Variants in PRKG1 observed in about 807,000 individuals in gnomAD.
PRKG1 encodes the protein protein kinase cGMP-dependent 1, also known as cGMP-dependent protein kinase 1.
Under a neutral mutation model 88.1 loss-of-function variants are expected in PRKG1, and 35 were observed. The observed-to-expected ratio is 0.40, with a 90% CI of 0.30 to 0.53. The LOEUF is 0.53. Ranked by LOEUF, PRKG1 falls within the 20% of genes least tolerant of loss-of-function variation. PRKG1 has a pLI of 0.59. For synonymous variants in PRKG1, 303 were observed against 292.5 expected (o/e 1.04, Z -0.37); for missense variants, 540 against 839.8 (o/e 0.64, Z 4.41).
At chr10:51,762,354 G>A (rs1838040964) in intron 3 of PRKG1, among the ~76,000 whole-genome samples, 1 of 152,154 alleles carries the variant, frequency 6.6e-6, no homozygotes, top group African/African-American at 2.4e-5. Context: ...TTACCTAGAT[G>A]TAGGTGTTTG....
chr10:51,697,407 G>A, intron 3 of PRKG1: 1 of 378,090 alleles, frequency 2.6e-6, no homozygotes, highest in Non-Finnish European at 4.8e-6. Context: ...ACATACTGTA[G>A]ATGCTTCAAT....
At chr10:51,601,475 A>T (rs1407257010) in intron 3 of PRKG1, among the ~76,000 whole-genome samples, 2 of 152,220 alleles carry the variant, frequency 1.3e-5, no homozygotes, top group Admixed American at 6.5e-5. Context: ...GGAGGAGCAC[A>T]TAAATGCCTG....
chr10:51,628,042 C>T (rs1378757298), intron 3 of PRKG1, among the ~76,000 whole-genome samples: 21 of 136,794 alleles, frequency 1.5e-4, no homozygotes, highest in African/African-American at 5.6e-4. Context: ...TTCTTTCCTT[C>T]CTTCTTTCCT....
intron 9 of PRKG1, among the ~76,000 whole-genome samples, chr10:52,163,025 A>T (rs985554746): frequency 3.9e-5 from 6 of 152,084 alleles, no homozygotes; most frequent in Non-Finnish European, 8.8e-5. Context: ...ATGTACATTG[A>T]TATTCAGTTT....
chr10:51,245,815 A>G (rs1374193916), intron 2 of PRKG1: 1 of 152,102 alleles, frequency 6.6e-6, no homozygotes, highest in Non-Finnish European at 1.5e-5. Context: ...TGGGAAGCAT[A>G]TCATTTTAGT....
Position 52,294,124 on chromosome 10 carries a change from G to T in PRKG1, c.*224G>T, listed in dbSNP as rs1589766830. ...AACCTAAAATAGCAGTTGACATGGT[G>T]GTCCTGAAGCAAAGCCTTTCACCAG... is the stretch of plus-strand genomic sequence containing the variant. On this transcript the variant is annotated 3_prime_UTR_variant, in exon 18 of 18. Transcript: ENST00000373980. 1 of 429,572 alleles carries T rather than the reference G, an allele frequency of 2.3e-6. No homozygotes were observed. Among genetic ancestry groups the T allele is most frequent in the Non-Finnish European group, 4.1e-6 (1 of 244,118 alleles). 26.6% of individuals were successfully genotyped at this position (429,572 alleles called of 1,614,324 possible). A position where few individuals can be genotyped will look rare whatever the true frequency, so the allele number is the denominator to read the frequency against.
intron 5 of PRKG1, among the ~76,000 whole-genome samples, chr10:51,989,642 A>C (rs1302943652): frequency 6.6e-6 from 1 of 152,070 alleles, no homozygotes; most frequent in East Asian, 1.9e-4. Context: ...TCTAGGACCC[A>C]TGAAGGCACT....
rs995915899 is a variant in PRKG1 at position 51,878,938 on chromosome 10, T to C, written c.699-28569T>C. ...AGAACCAGACCTCTGCAAATGGAAC[T>C]GGCATGTCTAATCCCATTATTGCCA... is the stretch of plus-strand genomic sequence containing the variant. On this transcript the variant is annotated intron_variant, in intron 4 of 17. Transcript: ENST00000373980. 5.9e-5 allele frequency among the ~76,000 whole-genome samples: 9 copies of C among 152,194 alleles called. 1 individual carries two copies. Among genetic ancestry groups the C allele is most frequent in the Admixed American group, 5.9e-4 (9 of 15,274 alleles).
intron 1 of PRKG1, among the ~76,000 whole-genome samples, chr10:51,078,590 ATATTTATTTATTTATTTATTTATT>A (rs35676352): frequency 0.019 from 2,577 of 137,284 alleles, 77 homozygotes; most frequent in East Asian, 0.15. Context: ...ATATTTATTT[ATATTTATTTATTTATTTATTTATT>A]TATTTATTTA....
At chr10:51,544,553 T>A (rs1163079371) in intron 3 of PRKG1, among the ~76,000 whole-genome samples, 5 of 152,138 alleles carry the variant, frequency 3.3e-5, no homozygotes, top group Non-Finnish European at 7.3e-5. Context: ...TGATTTATAA[T>A]CCTTTGGGTA....
At chr10:51,679,724 G>GT (rs767932532) in intron 3 of PRKG1, among the ~76,000 whole-genome samples, 33,852 of 116,274 alleles carry the variant, frequency 0.29, 5,114 homozygotes, top group Non-Finnish European at 0.32. Context: ...TTTTTTTAAT[G>GT]TTTTTTTTTT....
chr10:51,607,882 C>G (rs1049758117), intron 3 of PRKG1, among the ~76,000 whole-genome samples: 2 of 152,150 alleles, frequency 1.3e-5, no homozygotes, highest in African/African-American at 4.8e-5. Context: ...TAATTAGTAG[C>G]TACCACTAGT....
chr10:51,805,353 C>T lies in PRKG1; in HGVS notation c.698+663C>T, dbSNP rs147289900. ...TTTATTTCTTAGGAATACATTGATACTCACTGAAATGAATTTCTTTGTCTG... is the reference window on the plus strand; with the variant it reads ...TTTATTTCTTAGGAATACATTGATATTCACTGAAATGAATTTCTTTGTCTG... On this transcript the variant is annotated intron_variant, in intron 4 of 17. Coordinates refer to ENST00000373980, the MANE Select transcript of PRKG1 (RefSeq NM_006258.4). Among the ~76,000 whole-genome samples, 856 of 151,966 alleles carry T rather than the reference C, an allele frequency of 5.6e-3. 6 individuals carry two copies. Among genetic ancestry groups the T allele is most frequent in the Non-Finnish European group, 9.3e-3 (630 of 67,896 alleles).
chr10:52,223,533 T>G (rs1284374792), intron 9 of PRKG1, among the ~76,000 whole-genome samples: 2 of 152,142 alleles, frequency 1.3e-5, no homozygotes, highest in East Asian at 3.9e-4. Context: ...CTTGATCTCC[T>G]CTCTTCTCTA....
At chr10:51,655,147 G>A (rs191175822) in intron 3 of PRKG1, among the ~76,000 whole-genome samples, 1 of 152,052 alleles carries the variant, frequency 6.6e-6, no homozygotes, top group African/African-American at 2.4e-5. Flanking sequence ...AATCAAGGAG[G>A]GCTTAATTGA....
At chr10:51,502,474 A>T (rs1841059807) in intron 3 of PRKG1, among the ~76,000 whole-genome samples, 1 of 152,168 alleles carries the variant, frequency 6.6e-6, no homozygotes, top group Non-Finnish European at 1.5e-5. Context: ...GATACAAGGA[A>T]TGAGTCTATG....
chr10:51,856,966 T>TAAAAA (rs748890081), intron 4 of PRKG1, among the ~76,000 whole-genome samples: 17 of 96,556 alleles, frequency 1.8e-4, no homozygotes, highest in South Asian at 7.5e-4. Flanking sequence ...TCCGTCTTAC[T>TAAAAA]AAAAAAAAGA....
chr10:51,417,070 CATATT>C (rs1838262078), intron 2 of PRKG1, among the ~76,000 whole-genome samples: 1 of 152,140 alleles, frequency 6.6e-6, no homozygotes, highest in South Asian at 2.1e-4. Context: ...TCAATATTTA[CATATT>C]ATGTTTCTTA....
At chr10:51,745,564 T>C (rs898075850) in intron 3 of PRKG1, among the ~76,000 whole-genome samples, 3 of 152,208 alleles carry the variant, frequency 2.0e-5, no homozygotes, top group African/African-American at 7.2e-5. Context: ...CATATACATA[T>C]ATATGTGATT....
Sources: gnomAD v4.1 joint callset for allele counts (sites outside exome capture counted in the v4.1 genomes callset) on GRCh38, gnomAD v4.1.1 for gene constraint, MANE v1.5 for transcripts, NCBI Gene and HGNC (gene_info 2026-07-23, HGNC 2026-07-21) for gene names.